The following ARHGEF10 variants were observed in gnomAD, a reference collection of about 807,000 sequenced individuals.
The protein encoded by ARHGEF10 is Rho guanine nucleotide exchange factor (GEF) 10.
A neutral mutation model predicts 147.4 loss-of-function variants in ARHGEF10; 140 were observed. The ratio of observed to expected loss-of-function variants is 0.95; its 90% CI spans 0.83 to 1.09. ARHGEF10 has a LOEUF of 1.09. Ranked by LOEUF, ARHGEF10 falls within the 50% of genes least tolerant of loss-of-function variation. The probability of loss-of-function intolerance (pLI) is 0.00; values close to 1 mark genes in which losing one functional copy is unlikely to be tolerated. For missense variants in ARHGEF10, 2,222 were observed against 1,752.7 expected (o/e 1.27, Z -4.78); for synonymous variants, 902 against 695.8 (o/e 1.30, Z -4.67).
chr8:1,834,762 G>A (rs910053997), intron 1 of ARHGEF10, among the ~76,000 whole-genome samples: 2 of 152,176 alleles, frequency 1.3e-5, no homozygotes, highest in African/African-American at 4.8e-5. Flanking sequence ...TTTCCTCCTC[G>A]TGGATTTATG....
intron 1 of ARHGEF10, among the ~76,000 whole-genome samples, chr8:1,841,836 A>ACCGGAACTGGGGCCGCGG (rs1804064272): frequency 1.3e-5 from 1 of 74,690 alleles, no homozygotes; most frequent in African/African-American, 4.6e-5. Context: ...TGGGGCCGCG[A>ACCGGAACTGGGGCCGCGG]CGGGAACTGG....
intron 11 of ARHGEF10, among the ~76,000 whole-genome samples, chr8:1,888,379 G>A (rs1234060658): frequency 2.1e-5 from 3 of 141,278 alleles, no homozygotes; most frequent in Non-Finnish European, 3.0e-5. Flanking sequence ...AGATACTGAG[G>A]TGATAGTTTT....
intron 3 of ARHGEF10, among the ~76,000 whole-genome samples, chr8:1,859,093 G>A (rs1354354173): frequency 1.4e-5 from 2 of 143,670 alleles, no homozygotes; most frequent in African/African-American, 5.2e-5. Flanking sequence ...TTTGTGCATA[G>A]TACCCGCCTC....
intron 18 of ARHGEF10, among the ~76,000 whole-genome samples, chr8:1,916,865 A>G (rs1309420240): frequency 1.3e-5 from 2 of 152,262 alleles, no homozygotes; most frequent in Non-Finnish European, 2.9e-5. Context: ...TGGAGACTGT[A>G]TTAACACATG....
At chr8:1,881,572 G>GGACGCGATGTTAACGCCGTC (rs575028804) in intron 9 of ARHGEF10, among the ~76,000 whole-genome samples, 2 of 152,170 alleles carry the variant, frequency 1.3e-5, no homozygotes, top group Non-Finnish European at 2.9e-5. Context: ...AGCCCCCGGG[G>GGACGCGATGTTAACGCCGTC]GATGGGGGAC....
intron 16 of ARHGEF10, 128 bp downstream of exon 16, chr8:1,903,579 C>A: frequency 1.6e-6 from 2 of 1,265,764 alleles, no homozygotes; most frequent in Non-Finnish European, 2.2e-6. Context: ...AGTTCTTAAC[C>A]GGGGTGGATG....
intron 26 of ARHGEF10, among the ~76,000 whole-genome samples, chr8:1,941,262 G>T (rs1214302510): frequency 6.6e-6 from 1 of 152,154 alleles, no homozygotes; most frequent in African/African-American, 2.4e-5. Flanking sequence ...GTTGAGCAAG[G>T]TTACAGGGCA....
chr8:1,894,463 A>C lies in ARHGEF10; in HGVS notation c.1331A>C (p.Tyr444Ser), dbSNP rs141003957. 3 of 1,614,220 alleles carry C rather than the reference A, an allele frequency of 1.9e-6. No individual in the cohort carries two copies. The highest frequency in any genetic ancestry group is 2.2e-5 in the South Asian group (2 of 91,092). Residue 444 changes from tyrosine (Y) to serine (S), a missense_variant, in exon 13 of 29, where the codon TAC becomes TCC. Coordinates refer to ENST00000349830, the MANE Select transcript of ARHGEF10 (RefSeq NM_014629.4). Reference sequence around the variant, plus strand: ...GAGAGGAAGCTGAAGACGGTGTTCTACCGAGTCAAAGAGATCCTGCAGTGC... The same window carrying C: ...GAGAGGAAGCTGAAGACGGTGTTCTCCCGAGTCAAAGAGATCCTGCAGTGC... ...LSERKLKTVF[Y>S]RVKEILQCHS...
At chr8:1,955,460 T>C (rs561163693) in intron 28 of ARHGEF10, among the ~76,000 whole-genome samples, 3,846 of 145,756 alleles carry the variant, frequency 0.026, 77 homozygotes, top group Non-Finnish European at 0.03. Flanking sequence ...TTTCTCTGGA[T>C]GGGTAGCTAG....
At chr8:1,884,473 G>C (rs1021808442) in intron 10 of ARHGEF10, among the ~76,000 whole-genome samples, 18 of 151,924 alleles carry the variant, frequency 1.2e-4, no homozygotes, top group Admixed American at 3.3e-4. Flanking sequence ...GGCTTGGACA[G>C]AATTTCGTTC....
chr8:1,907,786 A>G (rs999046940), intron 17 of ARHGEF10, among the ~76,000 whole-genome samples: 17 of 152,110 alleles, frequency 1.1e-4, no homozygotes, highest in African/African-American at 3.9e-4. Flanking sequence ...TTCCTTTCCC[A>G]TGGACATGTT....
intron 13 of ARHGEF10, 146 bp downstream of exon 13, chr8:1,894,718 C>A: frequency 4.4e-6 from 4 of 913,552 alleles, no homozygotes; most frequent in South Asian, 2.8e-5. Flanking sequence ...AGTTGCAATG[C>A]CCTGGCCAAG....
intron 9 of ARHGEF10, among the ~76,000 whole-genome samples, chr8:1,881,710 G>A (rs1287320109): frequency 6.6e-6 from 1 of 152,208 alleles, no homozygotes; most frequent in Non-Finnish European, 1.5e-5. Flanking sequence ...AGGGCAGGCA[G>A]ACACGGCCAG....
rs1178976400 is a variant in ARHGEF10, at chr8:1,906,260, T to C, written c.1967+544T>C. ...CAGGTAGATGATAAGGGAACTGATA[T>C]AAAGTTAACTATAACACTCCTGGTG... is the stretch of plus-strand genomic sequence containing the variant. On this transcript the variant is annotated intron_variant, in intron 17 of 28. Transcript: ENST00000349830. Among the ~76,000 whole-genome samples, 5 of 152,314 alleles carry C rather than the reference T, an allele frequency of 3.3e-5. No homozygotes were observed. The East Asian group carries it at 7.7e-4, about 23-fold the overall frequency.
Position 1,826,428 on chromosome 8 carries a change from T to TTG in ARHGEF10, c.-48+2330_-48+2331dup, listed in dbSNP as rs750441335. Among the ~76,000 whole-genome samples, 1,106 of 149,942 alleles carry TTG rather than the reference T, an allele frequency of 7.4e-3. 8 individuals are homozygous for TTG. Among genetic ancestry groups the TTG allele is most frequent in the Non-Finnish European group, 0.012 (839 of 67,268 alleles). On this transcript the variant is annotated intron_variant, in intron 1 of 28. Coordinates refer to ENST00000349830, the MANE Select transcript of ARHGEF10 (RefSeq NM_014629.4). ...TGTGTGTGCTGTGTGTGTGTGCGCT[T>TTG]TGTGTGTGTGTGTGTGCGCGTGTGT...
chr8:1,889,426 G>A (rs1196580232), intron 11 of ARHGEF10, among the ~76,000 whole-genome samples: 9 of 76,546 alleles, frequency 1.2e-4, no homozygotes, highest in African/African-American at 4.1e-4. Context: ...TGAGTGGGGT[G>A]AGGGGTCTGT....
At chr8:1,952,076 A>T (rs1314968887) in intron 27 of ARHGEF10, among the ~76,000 whole-genome samples, 1 of 152,226 alleles carries the variant, frequency 6.6e-6, no homozygotes, top group Non-Finnish European at 1.5e-5. Context: ...CTGTAAAGCA[A>T]ATCAAAACCA....
chr8:1,896,850 C>A (rs1031451189), intron 14 of ARHGEF10, among the ~76,000 whole-genome samples: 1 of 152,202 alleles, frequency 6.6e-6, no homozygotes, highest in African/African-American at 2.4e-5. Context: ...GGAGCGGGCC[C>A]TACCCGAGGG....
chr8:1,900,195 G>A (rs1810339676), intron 15 of ARHGEF10, among the ~76,000 whole-genome samples: 1 of 152,092 alleles, frequency 6.6e-6, no homozygotes, highest in Non-Finnish European at 1.5e-5. Context: ...AACTATTTTT[G>A]CCTAGGTTTT....
Sources: allele counts gnomAD v4.1 joint callset (sites outside exome capture counted in the v4.1 genomes callset), GRCh38; gene constraint gnomAD v4.1.1; transcripts MANE v1.5; gene names NCBI Gene and HGNC (gene_info 2026-07-23, HGNC 2026-07-21).